Variants in PTPN9 observed in about 807,000 individuals in gnomAD.
PTPN9 encodes tyrosine-protein phosphatase non-receptor type 9.
Under a neutral mutation model 69.8 loss-of-function variants are expected in PTPN9, and 26 were observed. The ratio of observed to expected loss-of-function variants is 0.37; its 90% confidence interval spans 0.27 to 0.52. The LOEUF is 0.52. Among genes scored for constraint, PTPN9 ranks in the 20% least tolerant of loss-of-function variants. The pLI, the probability that PTPN9 is intolerant of heterozygous loss-of-function variation, is 0.91. For missense variants in PTPN9, 549 were observed against 740.3 expected, an observed-to-expected ratio of 0.74 and a Z score of 3.00; for synonymous variants, 274 against 272.5, an observed-to-expected ratio of 1.01 and a Z score of -0.05.
intron 3 of PTPN9, among the ~76,000 whole-genome samples, chr15:75,523,959 A>G (rs956889680): frequency 3.9e-5 from 6 of 151,950 alleles, no homozygotes; most frequent in African/African-American, 1.4e-4. Context: ...AAGTCCAAAC[A>G]GGGGGGGATG....
At chr15:75,575,712 G>C (rs1336549624) in intron 1 of PTPN9, among the ~76,000 whole-genome samples, 1 of 140,854 alleles carries the variant, frequency 7.1e-6, no homozygotes, top group Admixed American at 7.1e-5. Context: ...GAGGTCAGGA[G>C]ATCGAGACCA....
intron 9 of PTPN9, among the ~76,000 whole-genome samples, chr15:75,475,956 T>C (rs28432989): frequency 0.36 from 54,268 of 151,922 alleles, 10,877 homozygotes; most frequent in African/African-American, 0.53. Flanking sequence ...CTGGGCAACA[T>C]TGCAAAACCC....
At chr15:75,539,174 C>G (rs1018225088) in intron 1 of PTPN9, among the ~76,000 whole-genome samples, 20 of 152,120 alleles carry the variant, frequency 1.3e-4, no homozygotes, top group Admixed American at 1.2e-3. Context: ...GTCTTGATCT[C>G]TCGACCTCAT....
At chr15:75,503,254 T>C (rs1317729539) in intron 7 of PTPN9, among the ~76,000 whole-genome samples, 1 of 140,228 alleles carries the variant, frequency 7.1e-6, no homozygotes, top group Non-Finnish European at 1.5e-5. Flanking sequence ...CGGCCGCCCA[T>C]CGTCTGAGAT....
chr15:75,559,678 G>C (rs1278056884), intron 1 of PTPN9, among the ~76,000 whole-genome samples: 1 of 146,200 alleles, frequency 6.8e-6, no homozygotes, highest in Non-Finnish European at 1.5e-5. Flanking sequence ...AGAGACCTTT[G>C]TTCACTTGTT....
intron 1 of PTPN9, among the ~76,000 whole-genome samples, chr15:75,549,081 C>T (rs1595967661): frequency 6.6e-6 from 1 of 152,138 alleles, no homozygotes; most frequent in Non-Finnish European, 1.5e-5. Context: ...ATCTCAGCCT[C>T]CCAAAGTGCT....
intron 9 of PTPN9, among the ~76,000 whole-genome samples, chr15:75,475,769 T>C (rs970974036): frequency 3.3e-5 from 5 of 152,206 alleles, no homozygotes; most frequent in African/African-American, 1.2e-4. Flanking sequence ...ATACCCTCTC[T>C]GCAGAAGTGG....
intron 1 of PTPN9, among the ~76,000 whole-genome samples, chr15:75,548,643 C>T (rs1436201590): frequency 6.7e-6 from 1 of 148,944 alleles, no homozygotes; most frequent in Admixed American, 6.7e-5. Flanking sequence ...CCTTTAGAGA[C>T]AAGGGGAAAT....
chr15:75,531,394 C>T (rs762659489), intron 1 of PTPN9, among the ~76,000 whole-genome samples: 1 of 152,074 alleles, frequency 6.6e-6, no homozygotes, highest in Non-Finnish European at 1.5e-5. Context: ...GAGAAGACAA[C>T]AGGACAAACT....
At chr15:75,508,316 G>A (rs562680021) in intron 6 of PTPN9, among the ~76,000 whole-genome samples, 8 of 152,068 alleles carry the variant, frequency 5.3e-5, no homozygotes, top group Non-Finnish European at 8.8e-5. Flanking sequence ...CCTTGGCCTC[G>A]GACTCCCAAA....
At chr15:75,527,748 T>C (rs1304013773) in intron 1 of PTPN9, among the ~76,000 whole-genome samples, 1 of 151,318 alleles carries the variant, frequency 6.6e-6, no homozygotes, top group Non-Finnish European at 1.5e-5. Context: ...GTCAGCTACT[T>C]GGGAGGCTGA....
intron 1 of PTPN9, among the ~76,000 whole-genome samples, chr15:75,551,915 G>A (rs1206839790): frequency 6.6e-6 from 1 of 151,876 alleles, no homozygotes; most frequent in African/African-American, 2.4e-5. Context: ...GTGCACGCCT[G>A]TAGTCCCAGT....
At chr15:75,503,326 C>T (rs1322168111) in intron 7 of PTPN9, among the ~76,000 whole-genome samples, 1 of 144,228 alleles carries the variant, frequency 6.9e-6, no homozygotes, top group African/African-American at 2.7e-5. Context: ...TGCCCGGTCG[C>T]GACCCCGTCT....
At position 75,465,523 on chromosome 15, in the gene PTPN9, A is replaced by AAC. The variant is rs1350114498; in HGVS notation, c.*3244_*3245dup. On this transcript the variant is annotated 3_prime_UTR_variant, in exon 13 of 13. Transcript: ENST00000618819. ...TCCTTTACCTCCTCCTTTAACACCTAACACAGGTAGGTTCACGCTGGTAAA... is the reference window on the plus strand; with the variant it reads ...TCCTTTACCTCCTCCTTTAACACCTAACACACAGGTAGGTTCACGCTGGTAAA... 6.6e-6 allele frequency: 1 copy of AAC among 152,202 alleles called. No homozygotes were observed. Among genetic ancestry groups the AAC allele is most frequent in the Non-Finnish European group, 1.5e-5 (1 of 68,042 alleles). The allele number at this position is 152,202 out of a possible 1,614,324, so 9.4% of individuals were successfully genotyped here. A position where few individuals can be genotyped will look rare whatever the true frequency, so the allele number is the denominator to read the frequency against.
chr15:75,541,947 G>T (rs1185324646), intron 1 of PTPN9, among the ~76,000 whole-genome samples: 3 of 151,678 alleles, frequency 2.0e-5, no homozygotes, highest in Non-Finnish European at 4.4e-5. Flanking sequence ...TGAGGCAGAA[G>T]AATCGCCTGA....
intron 5 of PTPN9, 109 bp from the exon 6 acceptor site, chr15:75,509,136 A>G (rs554169053): frequency 4.8e-6 from 4 of 831,298 alleles, no homozygotes; most frequent in Non-Finnish European, 7.8e-6. Flanking sequence ...GGGGGAGTCT[A>G]CAGCCTAATT....
intron 7 of PTPN9, among the ~76,000 whole-genome samples, chr15:75,505,158 C>T (rs4886448): frequency 4.0e-5 from 6 of 151,056 alleles, no homozygotes; most frequent in African/African-American, 9.8e-5. Flanking sequence ...GTGACCTTAC[C>T]CCCAACCCTG....
intron 5 of PTPN9, among the ~76,000 whole-genome samples, chr15:75,510,176 T>C (rs908766759): frequency 1.3e-5 from 2 of 152,176 alleles, no homozygotes; most frequent in Non-Finnish European, 2.9e-5. Flanking sequence ...CCACACAAGA[T>C]ATAAAGATGA....
chr15:75,525,754 C>T (rs1042063902), intron 2 of PTPN9, among the ~76,000 whole-genome samples: 5 of 151,148 alleles, frequency 3.3e-5, no homozygotes, highest in African/African-American at 7.3e-5. Flanking sequence ...CCCGTCTCTA[C>T]TAAAAATACA....
Sources: gnomAD v4.1 joint callset for allele counts (sites outside exome capture counted in the v4.1 genomes callset) on GRCh38, gnomAD v4.1.1 for gene constraint, MANE v1.5 for transcripts, NCBI Gene and HGNC (gene_info 2026-07-23, HGNC 2026-07-21) for gene names.